Variants in CDH20 observed in about 807,000 individuals in gnomAD.
CDH20 encodes cadherin-20.
A neutral mutation model predicts 74.2 loss-of-function variants in CDH20; 29 were observed. That is an observed-to-expected ratio of 0.39 (90% CI 0.29 to 0.53). CDH20 has a LOEUF of 0.53. Ranked by LOEUF, CDH20 falls within the 20% of genes least tolerant of loss-of-function variation. The pLI is 0.69. For synonymous variants in CDH20, 469 were observed against 405.4 expected, an observed-to-expected ratio of 1.16 and a Z score of -1.88; for missense variants, 988 against 1,048.3, an observed-to-expected ratio of 0.94 and a Z score of 0.79.
chr18:61,388,804 C>T (rs1296349570), intron 1 of CDH20, among the ~76,000 whole-genome samples: 2 of 152,130 alleles, frequency 1.3e-5, no homozygotes, highest in Non-Finnish European at 2.9e-5. Context: ...TTGACGGCAA[C>T]AAAAGGACTG....
intron 1 of CDH20, among the ~76,000 whole-genome samples, chr18:61,457,646 T>C (rs983401419): frequency 2.6e-5 from 4 of 152,194 alleles, no homozygotes; most frequent in Admixed American, 2.6e-4. Context: ...TCAGACTTGT[T>C]GGAAGGATCA....
At position 61,490,427 on chromosome 18, in the gene CDH20, T is replaced by G; in HGVS notation, c.-127T>G. On this transcript the variant is annotated 5_prime_UTR_variant, in exon 2 of 12. Transcript: ENST00000262717. ...GAAGTCAACTTCAAGCAGATTGACT[T>G]GAAACGGGATCTCATTTAGGAAGCA... 1.1e-6 allele frequency: 1 copy of G among 912,910 alleles called. No homozygotes were observed. Among genetic ancestry groups the G allele is most frequent in the Non-Finnish European group, 1.7e-6 (1 of 594,024 alleles). 56.6% of individuals were successfully genotyped at this position (912,910 alleles called of 1,614,324 possible). A position where few individuals can be genotyped will look rare whatever the true frequency, so the allele number is the denominator to read the frequency against.
At chr18:61,535,043 C>A (rs866435928) in intron 7 of CDH20, among the ~76,000 whole-genome samples, 3 of 152,012 alleles carry the variant, frequency 2.0e-5, no homozygotes, top group Non-Finnish European at 4.4e-5. Flanking sequence ...TGGCTGGACA[C>A]GGTGGCTCAC....
intron 1 of CDH20, among the ~76,000 whole-genome samples, chr18:61,427,384 C>T (rs1005426996): frequency 6.6e-6 from 1 of 152,052 alleles, no homozygotes; most frequent in African/African-American, 2.4e-5. Context: ...AAATCATTTG[C>T]CCAAGGTCAC....
chr18:61,536,659 C>T, intron 8 of CDH20, 30 bp downstream of exon 8: 1 of 1,602,588 alleles, frequency 6.2e-7, no homozygotes, highest in Admixed American at 1.7e-5. Flanking sequence ...GGTCTCCATG[C>T]AGTGACAAAA....
chr18:61,493,432 A>G (rs1911030303), intron 2 of CDH20, among the ~76,000 whole-genome samples: 1 of 152,210 alleles, frequency 6.6e-6, no homozygotes. Flanking sequence ...AAAGCACTAC[A>G]GTGCTTTTGA....
intron 1 of CDH20, among the ~76,000 whole-genome samples, chr18:61,345,617 T>A (rs1910091788): frequency 6.6e-6 from 1 of 152,178 alleles, no homozygotes; most frequent in African/African-American, 2.4e-5. Context: ...GAATGGAGAT[T>A]AGCACATCGA....
intron 1 of CDH20, among the ~76,000 whole-genome samples, chr18:61,408,162 TA>T (rs1393326808): frequency 2.0e-5 from 3 of 151,976 alleles, no homozygotes; most frequent in Non-Finnish European, 4.4e-5. Flanking sequence ...AATAAATTAT[TA>T]AGGGGGAAAA....
rs1341187445 is a variant in CDH20 at position 61,339,685 on chromosome 18, T to TC, written c.-153+5858_-153+5859insC. 1.7e-3 allele frequency among the ~76,000 whole-genome samples: 128 copies of TC among 74,648 alleles called. 1 individual carries two copies. The highest frequency in any genetic ancestry group is 5.3e-3 in the African/African-American group (121 of 22,698). 49.0% of individuals were successfully genotyped at this position (74,648 alleles called of 152,430 possible). A position where few individuals can be genotyped will look rare whatever the true frequency, so the allele number is the denominator to read the frequency against. On this transcript the variant is annotated intron_variant, in intron 1 of 11. Coordinates refer to ENST00000262717, the MANE Select transcript of CDH20 (RefSeq NM_031891.4). The stretch of plus-strand genomic sequence containing the variant: ...ATACATCTGATGGTCATAGAAATTT[T>TC]TTTTTTTTTTTTTTTTTTTTGAGAT...
intron 1 of CDH20, among the ~76,000 whole-genome samples, chr18:61,390,860 A>G (rs887217530): frequency 6.6e-6 from 1 of 152,212 alleles, no homozygotes; most frequent in African/African-American, 2.4e-5. Flanking sequence ...AAATACATTC[A>G]TAATAGAAAA....
chr18:61,362,616 G>C (rs1910734369), intron 1 of CDH20, among the ~76,000 whole-genome samples: 1 of 152,140 alleles, frequency 6.6e-6, no homozygotes, highest in Non-Finnish European at 1.5e-5. Context: ...ATGAGGAAGA[G>C]GAGCATGAGA....
At chr18:61,485,978 C>T (rs1010671739) in intron 1 of CDH20, among the ~76,000 whole-genome samples, 1 of 152,100 alleles carries the variant, frequency 6.6e-6, no homozygotes, top group African/African-American at 2.4e-5. Context: ...GAGGCTGAGG[C>T]AGGAGAATGG....
chr18:61,470,570 A>G (rs1373024569), intron 1 of CDH20, among the ~76,000 whole-genome samples: 4 of 152,062 alleles, frequency 2.6e-5, no homozygotes, highest in African/African-American at 9.7e-5. Context: ...CTGCTCATTC[A>G]CGCCTTAACG....
intron 1 of CDH20, among the ~76,000 whole-genome samples, chr18:61,374,252 G>A (rs1413440289): frequency 1.3e-5 from 2 of 152,094 alleles, no homozygotes; most frequent in African/African-American, 2.4e-5. Flanking sequence ...CACTTTCTGA[G>A]AGTAGTGAGT....
At chr18:61,437,614 T>G (rs1599084950) in intron 1 of CDH20, among the ~76,000 whole-genome samples, 1 of 152,288 alleles carries the variant, frequency 6.6e-6, no homozygotes, top group East Asian at 1.9e-4. Flanking sequence ...TCAAAGAGGT[T>G]ATGCAGAAAT....
At chr18:61,474,283 G>T (rs756717887) in intron 1 of CDH20, among the ~76,000 whole-genome samples, 2 of 152,114 alleles carry the variant, frequency 1.3e-5, no homozygotes, top group South Asian at 2.1e-4. Flanking sequence ...CCCTGTTCCT[G>T]GTTCCTAAAG....
chr18:61,347,319 T>TACACACACACACACACACAC (rs33985303), intron 1 of CDH20, among the ~76,000 whole-genome samples: 1 of 77,400 alleles, frequency 1.3e-5, no homozygotes, highest in African/African-American at 5.8e-5. Context: ...TATATATATA[T>TACACACACACACACACACAC]ACACACACAC....
chr18:61,508,568 C>T (rs1911662592), intron 6 of CDH20, among the ~76,000 whole-genome samples: 1 of 152,052 alleles, frequency 6.6e-6, no homozygotes, highest in Non-Finnish European at 1.5e-5. Context: ...TACTACACAG[C>T]CATAAAAAGG....
At chr18:61,427,921 T>C (rs1226706880) in intron 1 of CDH20, among the ~76,000 whole-genome samples, 1 of 152,210 alleles carries the variant, frequency 6.6e-6, no homozygotes, top group African/African-American at 2.4e-5. Flanking sequence ...ATGTTAGACA[T>C]CTTCCATTCA....
Sources: gnomAD v4.1 joint callset for allele counts (sites outside exome capture counted in the v4.1 genomes callset) on GRCh38, gnomAD v4.1.1 for gene constraint, MANE v1.5 for transcripts, NCBI Gene and HGNC (gene_info 2026-07-23, HGNC 2026-07-21) for gene names.